Variants in POR observed in about 807,000 individuals in gnomAD.
POR encodes NADPH--cytochrome P450 reductase.
Under a neutral mutation model 84.0 loss-of-function variants are expected in POR, and 56 were observed. That is an observed-to-expected ratio of 0.67 (90% CI 0.54 to 0.83). POR has a LOEUF of 0.83. POR is among the 40% of genes least tolerant of loss of function. POR has a pLI of 0.00. For synonymous variants in POR, 414 were observed against 400.5 expected (o/e 1.03, Z -0.40); for missense variants, 938 against 944.3 (o/e 0.99, Z 0.09).
chr7:75,965,538 A>T (rs1788140648), intron 2 of POR, among the ~76,000 whole-genome samples: 1 of 151,866 alleles, frequency 6.6e-6, no homozygotes, highest in South Asian at 2.1e-4. Flanking sequence ...GATTGCACAC[A>T]ATAGCAGAGC....
intron 1 of POR, 46 bp downstream of exon 1, chr7:75,915,225 C>T (rs1277626081): frequency 1.3e-5 from 2 of 154,030 alleles, no homozygotes; most frequent in Non-Finnish European, 2.9e-5. Context: ...TGAGGTCGGG[C>T]CCCAAGACTC....
intron 1 of POR, among the ~76,000 whole-genome samples, chr7:75,953,494 C>G (rs145555459): frequency 0.011 from 1,598 of 152,186 alleles, 10 homozygotes; most frequent in Middle Eastern, 0.024. Context: ...GTCCAAGGCT[C>G]GTGAATATCA....
chr7:75,981,080 C>G lies in POR; in HGVS notation c.549C>G (p.His183Gln). ...GTCTTGGGAACAAGACCTACGAGCA[C>G]TTCAATGCCATGGGCAAGTACGTGG... is the stretch of plus-strand genomic sequence containing the variant. The change falls in exon 6 of 16, where the codon CAC becomes CAG. Residue 183 changes from histidine to glutamine, a missense_variant. Coordinates refer to ENST00000461988, the MANE Select transcript of POR (RefSeq NM_000941.3). The G allele has an allele frequency of 6.3e-7, 1 of 1,575,648 alleles. No homozygotes were observed. Among genetic ancestry groups the G allele is most frequent in the Non-Finnish European group, 8.6e-7 (1 of 1,161,324 alleles).
chr7:75,975,999 T>C (rs575836303), intron 3 of POR, among the ~76,000 whole-genome samples: 3 of 151,956 alleles, frequency 2.0e-5, no homozygotes, highest in Non-Finnish European at 1.5e-5. Flanking sequence ...GTGACATAAA[T>C]AGAGCTGCCA....
intron 1 of POR, among the ~76,000 whole-genome samples, chr7:75,936,763 C>G (rs1010209859): frequency 4.6e-5 from 7 of 151,714 alleles, no homozygotes; most frequent in African/African-American, 1.7e-4. Context: ...CAGAACTGAT[C>G]TGCCCAGATT....
At chr7:75,939,897 C>T (rs918947114) in intron 1 of POR, among the ~76,000 whole-genome samples, 16 of 149,208 alleles carry the variant, frequency 1.1e-4, no homozygotes, top group African/African-American at 3.0e-4. Flanking sequence ...CGTGAGCCAC[C>T]GCACCTGGCC....
chr7:75,924,887 G>A (rs1047746113), intron 1 of POR, among the ~76,000 whole-genome samples: 4 of 152,146 alleles, frequency 2.6e-5, no homozygotes, highest in Non-Finnish European at 5.9e-5. Context: ...GTGATAAATC[G>A]TGTGCCCAGG....
At chr7:75,980,603 C>A in intron 5 of POR, 115 bp downstream of exon 5, 1 of 1,600,696 alleles carries the variant, frequency 6.2e-7, no homozygotes, top group African/African-American at 1.3e-5. Flanking sequence ...TCCTCAGCAG[C>A]CAGGGCAGGC....
chr7:75,923,875 C>G (rs1264573570), intron 1 of POR, among the ~76,000 whole-genome samples: 2 of 146,158 alleles, frequency 1.4e-5, no homozygotes, highest in Non-Finnish European at 3.0e-5. Flanking sequence ...GCAACAAGAG[C>G]GAAACTCCAT....
rs1223425857 is a variant in POR, at chr7:75,986,750, C to T, written c.*269C>T. On this transcript the variant is annotated 3_prime_UTR_variant, in exon 16 of 16. Transcript: ENST00000461988. ...GGCCCTCGGTGGCTGCACAGAAGGG[C>T]TCTTTCTCTCTGCTGAGCTGGGCCC... The T allele has an allele frequency of 1.9e-5, 11 of 583,932 alleles. No homozygotes were observed. The highest frequency in any genetic ancestry group is 3.0e-5 in the Non-Finnish European group (10 of 329,828). 36.2% of individuals were successfully genotyped at this position (583,932 alleles called of 1,614,324 possible).
chr7:75,974,228 G>T (rs1788570419), intron 3 of POR, among the ~76,000 whole-genome samples: 1 of 152,154 alleles, frequency 6.6e-6, no homozygotes, highest in Admixed American at 6.5e-5. Flanking sequence ...ATACAAAGCA[G>T]TCCCAGAAGT....
In POR at chr7:75,928,052, A is replaced by G. The variant is rs138663325; in HGVS notation, c.-5+12873A>G. 6.7e-3 allele frequency among the ~76,000 whole-genome samples: 982 copies of G among 147,252 alleles called. 7 individuals carry two copies. Among genetic ancestry groups the G allele is most frequent in the Middle Eastern group, 0.024 (7 of 290 alleles). On this transcript the variant is annotated intron_variant, in intron 1 of 15. Coordinates refer to ENST00000461988, the MANE Select transcript of POR (RefSeq NM_000941.3). Reference sequence around the variant, plus strand: ...AGTGGAACAATCTTCACTTACCACAACCTCCACCTCCTGGGTTCAAGTGAT... The same window carrying G: ...AGTGGAACAATCTTCACTTACCACAGCCTCCACCTCCTGGGTTCAAGTGAT...
chr7:75,985,934 G>C lies in POR; in HGVS notation c.1681G>C (p.Gly561Arg), dbSNP rs782044270. The stretch of plus-strand genomic sequence containing the variant: ...CCCCTGCCACGCAGGCAAGGAGGTG[G>C]GGGAGACGCTGCTGTACTACGGCTG... The change falls in exon 14 of 16, where the codon GGG becomes CGG. Residue 561 changes from glycine (G) to arginine (R), a missense_variant. Gly to Arg is a moderately radical substitution (Grantham distance 125). Coordinates refer to ENST00000461988, the MANE Select transcript of POR (RefSeq NM_000941.3). 6.3e-7 allele frequency: 1 copy of C among 1,587,464 alleles called. No individual in the cohort carries two copies. Among genetic ancestry groups the C allele is most frequent in the Non-Finnish European group, 8.6e-7 (1 of 1,167,682 alleles).
chr7:75,986,348 A>T lies in POR; in HGVS notation c.1910A>T (p.Asn637Ile). The change falls in exon 16 of 16, where the codon AAC becomes ATC. Residue 637 changes from asparagine (N) to isoleucine (I), a missense_variant. Coordinates refer to ENST00000461988, the MANE Select transcript of POR (RefSeq NM_000941.3). ...CTCTTCCTGCCCAGGGATGCACGGA[A>T]CATGGCCAGGGATGTGCAGAACACC... 6.2e-7 allele frequency: 1 copy of T among 1,612,616 alleles called. No homozygotes were observed. Among genetic ancestry groups the T allele is most frequent in the South Asian group, 1.1e-5 (1 of 91,086 alleles).
At chr7:75,923,617 G>A (rs879954625) in intron 1 of POR, among the ~76,000 whole-genome samples, 2 of 152,188 alleles carry the variant, frequency 1.3e-5, no homozygotes, top group South Asian at 2.1e-4. Context: ...GCCGGGCCCG[G>A]TGGCTCACGC....
At chr7:75,980,935 A>T (rs1788982858) in intron 5 of POR, 113 bp from the exon 6 acceptor site, 1 of 1,285,760 alleles carries the variant, frequency 7.8e-7, no homozygotes, top group African/African-American at 1.5e-5. Flanking sequence ...GGAGGCCTGC[A>T]GGTGTTGCCA....
At chr7:75,972,713 C>G in intron 3 of POR, 1 of 562,884 alleles carries the variant, frequency 1.8e-6, no homozygotes, top group South Asian at 2.0e-5. Flanking sequence ...CAGACCCTCC[C>G]TCTAACTCAC....
intron 2 of POR, among the ~76,000 whole-genome samples, chr7:75,958,827 C>T (rs1787805566): frequency 1.3e-5 from 2 of 151,680 alleles, no homozygotes; most frequent in African/African-American, 2.4e-5. Flanking sequence ...GCCATCTCTA[C>T]AATAAACAAA....
intron 1 of POR, among the ~76,000 whole-genome samples, chr7:75,929,505 T>C (rs1332863102): frequency 6.6e-6 from 1 of 152,148 alleles, no homozygotes; most frequent in African/African-American, 2.4e-5. Context: ...CTTCCCACTT[T>C]GGCCTCCCAA....
Sources: allele counts gnomAD v4.1 joint callset (sites outside exome capture counted in the v4.1 genomes callset), GRCh38; gene constraint gnomAD v4.1.1; transcripts MANE v1.5; gene names NCBI Gene and HGNC (gene_info 2026-07-23, HGNC 2026-07-21).